The following PKD1L1 variants were observed in gnomAD, a reference collection of about 807,000 sequenced individuals.
PKD1L1 encodes polycystin 1 like 1, transient receptor potential channel interacting, also known as polycystin-1-like protein 1.
Under a neutral mutation model 323.4 loss-of-function variants are expected in PKD1L1, and 236 were observed. The observed-to-expected ratio is 0.73, with a 90% CI of 0.66 to 0.81. PKD1L1 has a LOEUF of 0.81. Among genes scored for constraint, PKD1L1 ranks in the 40% least tolerant of loss-of-function variants. PKD1L1 has a pLI of 0.00. For missense variants in PKD1L1, 3,320 were observed against 3,508.0 expected (o/e 0.95, Z 1.35); for synonymous variants, 1,344 against 1,335.0 (o/e 1.01, Z -0.15).
At chr7:47,912,533 C>A (rs533732339) in intron 8 of PKD1L1, among the ~76,000 whole-genome samples, 1 of 151,930 alleles carries the variant, frequency 6.6e-6, no homozygotes, top group African/African-American at 2.4e-5. Context: ...AAATAACTAC[C>A]GGCTGGGCAC....
In PKD1L1 at chr7:47,885,908, C is replaced by T. The variant is rs779114210; in HGVS notation, c.2983G>A (p.Val995Met). ...GAAGTGGCAGGTTGGCCAAGGGTCA[C>T]GGGTGAAGGTTCCCGTGAGAATGGT... ...TTPFSREPSP[V>M]TLGQPATSAP... Residue 995 changes from valine (V) to methionine (M), a missense_variant, in exon 18 of 57, where the codon GTG becomes ATG. Physicochemically the swap from Val to Met is conservative, Grantham distance 21. Coordinates refer to ENST00000289672, the MANE Select transcript of PKD1L1 (RefSeq NM_138295.5). 5.5e-5 allele frequency: 88 copies of T among 1,614,050 alleles called. No individual in the cohort carries two copies. Among genetic ancestry groups the T allele is most frequent in the Non-Finnish European group, 6.5e-5 (77 of 1,180,012 alleles).
intron 45 of PKD1L1, among the ~76,000 whole-genome samples, chr7:47,824,232 G>T (rs1354312899): frequency 1.3e-5 from 2 of 152,056 alleles, no homozygotes; most frequent in East Asian, 3.8e-4. Flanking sequence ...AAAAATCTAG[G>T]AAAATATTTT....
At chr7:47,940,435 C>G (rs994065217) in intron 2 of PKD1L1, 118 bp from the exon 3 acceptor site, 2 of 996,896 alleles carry the variant, frequency 2.0e-6, no homozygotes, top group Non-Finnish European at 2.9e-6. Flanking sequence ...GGCCTAACAA[C>G]GGGCTGATCA....
chr7:47,778,400 G>C (rs1356681450), intron 56 of PKD1L1, among the ~76,000 whole-genome samples: 2 of 151,852 alleles, frequency 1.3e-5, no homozygotes, highest in Non-Finnish European at 2.9e-5. Flanking sequence ...GGGAACAAAA[G>C]AACAAAAGAA....
At chr7:47,913,342 C>T (rs1281682997) in intron 8 of PKD1L1, among the ~76,000 whole-genome samples, 7 of 152,222 alleles carry the variant, frequency 4.6e-5, no homozygotes, top group East Asian at 1.9e-4. Context: ...GCTCTAGAAC[C>T]GGAACTAAGA....
Position 47,931,110 on chromosome 7 carries a change from G to A in PKD1L1, c.731C>T (p.Pro244Leu), listed in dbSNP as rs142896494. 12,129 of 1,613,822 alleles carry A rather than the reference G, an allele frequency of 7.5e-3. 67 individuals are homozygous for A. The highest frequency in any genetic ancestry group is 9.2e-3 in the Non-Finnish European group (10,901 of 1,179,830). ...LWPISHFPTS[P>L]RSSHGLPPGI... Reference sequence around the variant, plus strand: ...CATACCTCCTTCACCGTACCTTCTGGGAGAAGTGGGAAAATGTGAAATCGG... The same window carrying A: ...CATACCTCCTTCACCGTACCTTCTGAGAGAAGTGGGAAAATGTGAAATCGG... The change falls in exon 6 of 57, where the codon CCC becomes CTC. Residue 244 changes from proline (P) to leucine (L), a missense_variant. By Grantham distance (98) the Pro-to-Leu change is moderately conservative. Coordinates refer to ENST00000289672, the MANE Select transcript of PKD1L1 (RefSeq NM_138295.5).
At chr7:47,890,201 T>G (rs1243877978) in intron 16 of PKD1L1, among the ~76,000 whole-genome samples, 1 of 152,232 alleles carries the variant, frequency 6.6e-6, no homozygotes, top group Non-Finnish European at 1.5e-5. Context: ...TTGATGGCTT[T>G]GCCTCCTGGC....
upstream of PKD1L1, among the ~76,000 whole-genome samples, chr7:47,949,593 T>C (rs1388094869): frequency 2.0e-5 from 3 of 152,008 alleles, no homozygotes; most frequent in Non-Finnish European, 4.4e-5. Flanking sequence ...TTACGAAACA[T>C]TTTCTCTTAT....
Position 47,885,945 on chromosome 7 carries a change from A to T in PKD1L1, c.2946T>A (p.Asp982Glu). The change falls in exon 18 of 57, where the codon GAT becomes GAA. Residue 982 changes from aspartate (D) to glutamate (E), a missense_variant. Asp to Glu is a conservative substitution (Grantham distance 45). Transcript: ENST00000289672. Reference sequence around the variant, plus strand: ...CCCGTGAGAATGGTGTGGTCGTTGCATCAGGATCTGCAGTGCCAGGCTCAG... The same window carrying T: ...CCCGTGAGAATGGTGTGGTCGTTGCTTCAGGATCTGCAGTGCCAGGCTCAG... ...LPTEPGTADPDATTTPFSREP... is the reference protein window; with the variant it reads ...LPTEPGTADPEATTTPFSREP... 1 of 1,614,178 alleles carries T rather than the reference A, an allele frequency of 6.2e-7. No individual in the cohort carries two copies. The highest frequency in any genetic ancestry group is 2.2e-5 in the East Asian group (1 of 44,872).
chr7:47,834,002 G>A (rs1329985873), intron 40 of PKD1L1, among the ~76,000 whole-genome samples: 5 of 152,184 alleles, frequency 3.3e-5, no homozygotes, highest in African/African-American at 1.2e-4. Flanking sequence ...TCTCTCCCAC[G>A]GTCCTGCCGG....
chr7:47,806,866 C>T (rs1313839341), intron 52 of PKD1L1, among the ~76,000 whole-genome samples: 4 of 152,074 alleles, frequency 2.6e-5, no homozygotes, highest in Admixed American at 1.3e-4. Context: ...AGGATGCCCT[C>T]TAACACTTTA....
intron 25 of PKD1L1, among the ~76,000 whole-genome samples, chr7:47,865,646 C>T (rs374021655): frequency 1.5e-4 from 21 of 142,486 alleles, no homozygotes; most frequent in African/African-American, 4.9e-4. Context: ...AGTGCAGTGG[C>T]GCGATCTCAG....
At chr7:47,798,281 A>G (rs1485895656) in intron 54 of PKD1L1, among the ~76,000 whole-genome samples, 1 of 152,238 alleles carries the variant, frequency 6.6e-6, no homozygotes, top group African/African-American at 2.4e-5. Flanking sequence ...GATACAGTCA[A>G]TTGCTTTTTG....
chr7:47,868,078 A>T (rs1022797044), intron 24 of PKD1L1, among the ~76,000 whole-genome samples: 1 of 152,246 alleles, frequency 6.6e-6, no homozygotes, highest in African/African-American at 2.4e-5. Flanking sequence ...ATGTAACAAG[A>T]ACACAAAGTC....
intron 24 of PKD1L1, among the ~76,000 whole-genome samples, chr7:47,868,251 C>A (rs1276241641): frequency 6.6e-6 from 1 of 152,126 alleles, no homozygotes; most frequent in Non-Finnish European, 1.5e-5. Flanking sequence ...TGCCTGTAAT[C>A]CCAGCTACTT....
At chr7:47,833,817 A>G (rs981392180) in intron 40 of PKD1L1, among the ~76,000 whole-genome samples, 1 of 152,180 alleles carries the variant, frequency 6.6e-6, no homozygotes, top group South Asian at 2.1e-4. Context: ...CACTATAGCA[A>G]TGGGGTAACG....
Position 47,898,006 on chromosome 7 carries a change from G to T in PKD1L1, c.2253C>A (p.Asn751Lys). 2 of 1,612,146 alleles carry T rather than the reference G, an allele frequency of 1.2e-6. No homozygotes were observed. Among genetic ancestry groups the T allele is most frequent in the Non-Finnish European group, 1.7e-6 (2 of 1,179,744 alleles). Residue 751 changes from asparagine (N) to lysine (K), a missense_variant, in exon 14 of 57, where the codon AAC becomes AAA. Coordinates refer to ENST00000289672, the MANE Select transcript of PKD1L1 (RefSeq NM_138295.5). Reference protein sequence around the residue: ...ILPSHTLEYGNYTALAKVQIE... With the variant: ...ILPSHTLEYGKYTALAKVQIE... ...AGCTGACCTTGGCAAGGGCAGTGTA[G>T]TTCCCATACTCCAAGGTGTGGCTCG...
intron 15 of PKD1L1, among the ~76,000 whole-genome samples, chr7:47,892,978 C>T (rs1438221622): frequency 1.3e-5 from 2 of 152,096 alleles, no homozygotes; most frequent in Non-Finnish European, 2.9e-5. Flanking sequence ...CGCCTGAAAT[C>T]CCAGCACTTT....
chr7:47,782,506 A>C (rs576697161), intron 56 of PKD1L1, among the ~76,000 whole-genome samples: 1 of 152,370 alleles, frequency 6.6e-6, no homozygotes, highest in East Asian at 1.9e-4. Context: ...ATAAACTAGC[A>C]AGAGAAGCCA....
Sources: allele counts gnomAD v4.1 joint callset (sites outside exome capture counted in the v4.1 genomes callset), GRCh38; gene constraint gnomAD v4.1.1; transcripts MANE v1.5; gene names NCBI Gene and HGNC (gene_info 2026-07-23, HGNC 2026-07-21).